Variants in IGSF8 observed in about 807,000 individuals in gnomAD.
The protein encoded by IGSF8 is immunoglobulin superfamily member 8, also known as CD81 partner 3.
IGSF8 carries 46 observed loss-of-function variants against 55.5 expected under a neutral mutation model. The ratio of observed to expected loss-of-function variants is 0.83; its 90% CI spans 0.65 to 1.06. IGSF8 has a LOEUF of 1.06. IGSF8 is among the 50% of genes least tolerant of loss of function. The probability of loss-of-function intolerance (pLI) is 0.00; values close to 1 mark genes in which losing one functional copy is unlikely to be tolerated. For synonymous variants in IGSF8, 314 were observed against 356.1 expected, an observed-to-expected ratio of 0.88 and a Z score of 1.33; for missense variants, 731 against 832.3, an observed-to-expected ratio of 0.88 and a Z score of 1.50.
intron 1 of IGSF8, among the ~76,000 whole-genome samples, chr1:160,096,494 G>A (rs1191671019): frequency 2.6e-5 from 4 of 152,118 alleles, no homozygotes; most frequent in Non-Finnish European, 5.9e-5. Context: ...CTTTCTGCAG[G>A]AGCTAGAGGA....
At position 160,093,311 on chromosome 1, in the gene IGSF8, C is replaced by A. The variant is rs1247245111; in HGVS notation, c.925G>T (p.Val309Leu). 6.3e-7 allele frequency: 1 copy of A among 1,589,480 alleles called. No homozygotes were observed. Reference sequence around the variant, plus strand: ...CCGATCCGACGTTCACCAGGCCCCACTGTCACTGCCAGCTGGCTGGCTGAA... The same window carrying A: ...CCGATCCGACGTTCACCAGGCCCCAATGTCACTGCCAGCTGGCTGGCTGAA... ...QTLSSQLAVT[V>L]GPGERRIGPG... Residue 309 changes from valine to leucine, a missense_variant, in exon 4 of 7, where the codon GTG (valine) becomes TTG (leucine). Val to Leu is a conservative substitution (Grantham distance 32). Transcript: ENST00000314485.
chr1:160,094,139 G>A lies in IGSF8; in HGVS notation c.475C>T (p.Pro159Ser). 3.7e-6 allele frequency: 6 copies of A among 1,604,196 alleles called. No individual in the cohort carries two copies. Among genetic ancestry groups the A allele is most frequent in the Non-Finnish European group, 5.1e-6 (6 of 1,179,226 alleles). The change falls in exon 3 of 7, where the codon CCC becomes TCC. Residue 159 changes from proline (P) to serine (S), a missense_variant. By Grantham distance (74) the Pro-to-Ser change is moderately conservative. Coordinates refer to ENST00000314485, the MANE Select transcript of IGSF8 (RefSeq NM_052868.6). The surrounding 1 kb of genome is among the most constrained non-coding windows in gnomAD (Gnocchi z 4.0). ...GCCTGGCGGCCTCGGGGCCCTGGGG[G>A]GGCAGCAGACACCTGGAGGACATCT... The part of the protein sequence containing the change: ...LPDVLQVSAA[P>S]PGPRGRQAPT...
rs1247371707 is a variant in IGSF8 at position 160,094,140 on chromosome 1, G to C, written c.474C>G (p.Ala158=). 1.2e-6 allele frequency: 2 copies of C among 1,603,808 alleles called. No homozygotes were observed. Among genetic ancestry groups the C allele is most frequent in the Admixed American group, 1.7e-5 (1 of 59,830 alleles). ...VLPDVLQVSA[A]PPGPRGRQAP... is the part of the protein sequence containing the mutation. Reference sequence around the variant, plus strand: ...CCTGGCGGCCTCGGGGCCCTGGGGGGGCAGCAGACACCTGGAGGACATCTG... The same window carrying C: ...CCTGGCGGCCTCGGGGCCCTGGGGGCGCAGCAGACACCTGGAGGACATCTG... Residue 158 remains alanine (A), a synonymous_variant, in exon 3 of 7, where the codon GCC becomes GCG. Coordinates refer to ENST00000314485, the MANE Select transcript of IGSF8 (RefSeq NM_052868.6). The surrounding 1 kb of genome is among the most constrained non-coding windows in gnomAD (Gnocchi z 4.0).
intron 4 of IGSF8, 75 bp downstream of exon 4, chr1:160,092,849 G>GA: frequency 6.6e-7 from 1 of 1,515,572 alleles, no homozygotes; most frequent in Non-Finnish European, 9.0e-7. Context: ...CTGACGGAGA[G>GA]GGAGGGGTCA....
At chr1:160,096,928 C>G (rs549315656) in intron 1 of IGSF8, among the ~76,000 whole-genome samples, 2 of 152,344 alleles carry the variant, frequency 1.3e-5, no homozygotes, top group East Asian at 3.9e-4. Flanking sequence ...CTCCCATTTT[C>G]CTGGCTCCAC....
Position 160,093,130 on chromosome 1 carries a change from C to G in IGSF8, c.1106G>C (p.Ser369Thr), listed in dbSNP as rs1251250303. The change falls in exon 4 of 7, where the codon AGC (serine) becomes ACC (threonine). Residue 369 changes from serine (S) to threonine (T), a missense_variant. Transcript: ENST00000314485. The part of the protein sequence containing the change: ...VAQLDTEGVG[S>T]LGPGYEGRHI... ...TCGGCCCTCATAGCCAGGGCCCAGG[C>G]TGCCCACACCCTCTGTGTCCAGCTG... The G allele has an allele frequency of 6.2e-7, 1 of 1,613,792 alleles. No individual in the cohort carries two copies. The highest frequency in any genetic ancestry group is 1.7e-5 in the Admixed American group (1 of 60,002).
Position 160,092,648 on chromosome 1 carries a change from G to T in IGSF8, c.1360C>A (p.Arg454Ser). ...VAWLAGGTVY[R>S]GETASLLCNI... is the part of the protein sequence containing the mutation. The stretch of plus-strand genomic sequence containing the variant: ...CACAGCAGGGAGGCAGTCTCCCCGC[G>T]GTACACTGTGCCTCCTGCTAGCCAT... The change falls in exon 5 of 7, where the codon CGC becomes AGC. Residue 454 changes from arginine to serine, a missense_variant. Arg to Ser is a moderately radical substitution (Grantham distance 110). Coordinates refer to ENST00000314485, the MANE Select transcript of IGSF8 (RefSeq NM_052868.6). 1 of 1,601,568 alleles carries T rather than the reference G, an allele frequency of 6.2e-7. No homozygotes were observed.
chr1:160,097,578 G>C (rs2101967899), intron 1 of IGSF8: 1 of 541,606 alleles, frequency 1.8e-6, no homozygotes, highest in East Asian at 1.5e-4. Flanking sequence ...CAGTTTCACT[G>C]TCTCCATGCC....
Position 160,098,580 on chromosome 1 carries a change from G to A in IGSF8, c.-108C>T, listed in dbSNP as rs1650619134. 1 of 711,660 alleles carries A rather than the reference G, an allele frequency of 1.4e-6. No individual in the cohort carries two copies. The highest frequency in any genetic ancestry group is 1.9e-5 in the African/African-American group (1 of 53,478). 44.1% of individuals were successfully genotyped at this position (711,660 alleles called of 1,614,324 possible). On this transcript the variant is annotated 5_prime_UTR_variant, in exon 1 of 7. Transcript: ENST00000314485. ...TGAGGGCAGGAAGCGGGGCAGCGAG[G>A]CGTGGGTGCGCCGAGCGAGCTGAAC...
chr1:160,097,914 T>TTGA, intron 1 of IGSF8: 1 of 985,420 alleles, frequency 1.0e-6, no homozygotes, highest in Non-Finnish European at 1.2e-6. Context: ...CTGCCCCCAG[T>TTGA]TGATGAAGTG....
rs754502186 is a variant in IGSF8, at chr1:160,098,388, C to G, written c.64+21G>C. On this transcript the variant is annotated intron_variant, in intron 1 of 6. Coordinates refer to ENST00000314485, the MANE Select transcript of IGSF8 (RefSeq NM_052868.6). ...GCACCTGCCCGGCAGGGCCGGGAAC[C>G]GGAACGGGGGCCTGGCTTACCTAGC... 8.6e-5 allele frequency: 134 copies of G among 1,551,096 alleles called. No homozygotes were observed. The South Asian group carries it at 1.4e-3, about 16-fold the overall frequency.
intron 1 of IGSF8, among the ~76,000 whole-genome samples, chr1:160,097,134 T>C (rs1055994546): frequency 3.3e-5 from 5 of 152,246 alleles, no homozygotes; most frequent in African/African-American, 9.7e-5. Context: ...TGGGGCAAGT[T>C]ACTTCATTTT....
chr1:160,095,648 G>A (rs1452766384), intron 1 of IGSF8, among the ~76,000 whole-genome samples: 4 of 152,206 alleles, frequency 2.6e-5, no homozygotes, highest in Non-Finnish European at 5.9e-5. Flanking sequence ...TCTGGCTAGG[G>A]GACTCTGAGA....
In IGSF8 at chr1:160,093,030, G is replaced by A. The variant is rs2101957049; in HGVS notation, c.1206C>T (p.Gly402=). ...RLEAARPGDA[G]TYRCLAKAYV... ...AGGCTTTGGCGAGGCAGCGGTAGGTGCCCGCATCACCAGGCCTGGCAGCCT... is the reference window on the plus strand; with the variant it reads ...AGGCTTTGGCGAGGCAGCGGTAGGTACCCGCATCACCAGGCCTGGCAGCCT... Residue 402 remains glycine (G), a synonymous_variant, in exon 4 of 7, where the codon GGC becomes GGT. Transcript: ENST00000314485. 4.3e-6 allele frequency: 7 copies of A among 1,614,022 alleles called. No individual in the cohort carries two copies. In the East Asian group the frequency reaches 1.6e-4, roughly 36 times the overall value.
rs191816546 is a variant in IGSF8 at position 160,098,316 on chromosome 1, G to A, written c.64+93C>T. 519 of 1,487,174 alleles carry A rather than the reference G, an allele frequency of 3.5e-4. 3 individuals carry two copies. The Middle Eastern group carries it at 4.4e-3, about 13-fold the overall frequency. 92.1% of individuals were successfully genotyped at this position (1,487,174 alleles called of 1,614,324 possible). A position where few individuals can be genotyped will look rare whatever the true frequency, so the allele number is the denominator to read the frequency against. On this transcript the variant is annotated intron_variant, in intron 1 of 6. Transcript: ENST00000314485. ...GGAGGCTGGAGGTACCCCTGACGGA[G>A]GAGGATGTGAGGAGCCCCGAAATGC...
intron 4 of IGSF8, 59 bp from the exon 5 acceptor site, chr1:160,092,754 C>T: frequency 2.6e-6 from 4 of 1,564,572 alleles, no homozygotes; most frequent in Non-Finnish European, 3.5e-6. Flanking sequence ...GGGGTTAGGG[C>T]TGCCGCCAAG....
chr1:160,092,820 G>A, intron 4 of IGSF8, 104 bp downstream of exon 4: 1 of 1,486,176 alleles, frequency 6.7e-7, no homozygotes, highest in Middle Eastern at 1.8e-4. Flanking sequence ...AGGAGCGTGA[G>A]GCTGTGGCCT....
rs1247948790 is a variant in IGSF8, at chr1:160,092,025, T to C, written c.1727-87A>G. ...TCTGCGCTTTCCCCATCAAGTTCTC[T>C]GAACCCACCTTCTCCATTCACAGAC... On this transcript the variant is annotated intron_variant, in intron 5 of 6. Coordinates refer to ENST00000314485, the MANE Select transcript of IGSF8 (RefSeq NM_052868.6). 4.1e-6 allele frequency: 4 copies of C among 968,130 alleles called. No homozygotes were observed. The Admixed American group carries it at 7.9e-5, about 19-fold the overall frequency. The allele number at this position is 968,130 out of a possible 1,614,324, so 60.0% of individuals were successfully genotyped here. A position where few individuals can be genotyped will look rare whatever the true frequency, so the allele number is the denominator to read the frequency against.
chr1:160,091,528 G>A lies in IGSF8; in HGVS notation c.*96C>T. On this transcript the variant is annotated 3_prime_UTR_variant, in exon 7 of 7. Transcript: ENST00000314485. ...TGGGAGGTCAAATAAATTAAAGGAA[G>A]AGTGGACAGAGGGAGAGGGTGTCCA... is the stretch of plus-strand genomic sequence containing the variant. The A allele has an allele frequency of 2.6e-6, 1 of 391,236 alleles. No individual in the cohort carries two copies. The highest frequency in any genetic ancestry group is 4.7e-6 in the Non-Finnish European group (1 of 210,856). 24.2% of individuals were successfully genotyped at this position (391,236 alleles called of 1,614,324 possible).
Sources: gnomAD v4.1 joint callset for allele counts (sites outside exome capture counted in the v4.1 genomes callset) on GRCh38, gnomAD v4.1.1 for gene constraint, Gnocchi (gnomAD v3.1) non-coding constraint, MANE v1.5 for transcripts, NCBI Gene and HGNC (gene_info 2026-07-23, HGNC 2026-07-21) for gene names.